ARID1B: variants seen among roughly 807,000 people sequenced by gnomAD.
ARID1B encodes the protein AT-rich interaction domain 1B.
A neutral mutation model predicts 212.3 loss-of-function variants in ARID1B; 30 were observed. That is an observed-to-expected ratio of 0.14 (90% CI 0.11 to 0.19). The LOEUF is 0.19. Ranked by LOEUF, ARID1B falls within the 10% of genes least tolerant of loss-of-function variation. The pLI, the probability that ARID1B is intolerant of heterozygous loss-of-function variation, is 1.00. For missense variants in ARID1B, 2,891 were observed against 3,204.0 expected, an observed-to-expected ratio of 0.90 and a Z score of 2.36; for synonymous variants, 1,402 against 1,301.7, an observed-to-expected ratio of 1.08 and a Z score of -1.66.
At chr6:156,936,158 C>T (rs1478359789) in intron 4 of ARID1B, 1 of 152,154 alleles carries the variant, frequency 6.6e-6, no homozygotes, top group South Asian at 2.1e-4. Flanking sequence ...GCCTGACCAA[C>T]ATGGAGAAAC....
intron 4 of ARID1B, among the ~76,000 whole-genome samples, chr6:157,059,853 A>C (rs749799716): frequency 1.2e-4 from 19 of 152,226 alleles, no homozygotes; most frequent in Non-Finnish European, 2.2e-4. Context: ...TTTAAATGAG[A>C]TAGAATGCAT....
chr6:157,038,472 G>C (rs963682922), intron 4 of ARID1B, among the ~76,000 whole-genome samples: 1 of 152,004 alleles, frequency 6.6e-6, no homozygotes, highest in South Asian at 2.1e-4. Flanking sequence ...AGTTTCTGAG[G>C]TTACAAATGT....
At chr6:157,156,277 A>G (rs539778269) in intron 8 of ARID1B, among the ~76,000 whole-genome samples, 1 of 152,378 alleles carries the variant, frequency 6.6e-6, no homozygotes, top group South Asian at 2.1e-4. Context: ...GACAAAGAGA[A>G]AAGATTTCAA....
intron 4 of ARID1B, chr6:156,938,663 T>A (rs1792444596): frequency 6.6e-6 from 1 of 152,198 alleles, no homozygotes; most frequent in African/African-American, 2.4e-5. Context: ...AGGTTTGTAA[T>A]GTTTCTGCAT....
intron 4 of ARID1B, among the ~76,000 whole-genome samples, chr6:157,016,634 G>A (rs779548890): frequency 6.6e-6 from 1 of 152,232 alleles, no homozygotes; most frequent in Admixed American, 6.5e-5. Context: ...AGTGATTGTG[G>A]GTGTGTGAGT....
Position 157,041,296 on chromosome 6 carries a change from A to G in ARID1B, c.2248-43366A>G, listed in dbSNP as rs111755534. Among the ~76,000 whole-genome samples, 841 of 152,350 alleles carry G rather than the reference A, an allele frequency of 5.5e-3. 14 individuals are homozygous for G. Among genetic ancestry groups the G allele is most frequent in the African/African-American group, 0.02 (812 of 41,570 alleles). On this transcript the variant is annotated intron_variant, in intron 4 of 19. Transcript: ENST00000636930. Reference sequence around the variant, plus strand: ...GATGATAAATCAGCTAAACATTTATATGTGTACATATGTGATTACATTACT... The same window carrying G: ...GATGATAAATCAGCTAAACATTTATGTGTGTACATATGTGATTACATTACT...
intron 4 of ARID1B, among the ~76,000 whole-genome samples, chr6:157,050,873 T>A (rs1782556750): frequency 6.6e-6 from 1 of 152,200 alleles, no homozygotes; most frequent in African/African-American, 2.4e-5. Flanking sequence ...ACATTAAATA[T>A]TTCCCATTCA....
At chr6:156,964,996 A>T (rs542709869) in intron 4 of ARID1B, among the ~76,000 whole-genome samples, 1 of 152,344 alleles carries the variant, frequency 6.6e-6, no homozygotes, top group African/African-American at 2.4e-5. Context: ...TAGCTTTTCA[A>T]TTGTAAGACT....
chr6:156,973,105 C>T (rs756658727), intron 4 of ARID1B, among the ~76,000 whole-genome samples: 4 of 152,108 alleles, frequency 2.6e-5, no homozygotes, highest in African/African-American at 7.2e-5. Flanking sequence ...GACTTTGTGC[C>T]GTGCAGTACA....
At chr6:156,969,371 G>T (rs1007028289) in intron 4 of ARID1B, among the ~76,000 whole-genome samples, 1 of 152,098 alleles carries the variant, frequency 6.6e-6, no homozygotes, top group Non-Finnish European at 1.5e-5. Context: ...GTGGTTCCCT[G>T]TTCAGCCGTG....
At chr6:156,936,755 GTTTGT>G (rs376570437) in intron 4 of ARID1B, 2 of 152,028 alleles carry the variant, frequency 1.3e-5, no homozygotes, top group African/African-American at 2.4e-5. Flanking sequence ...TATGGAGAAG[GTTTGT>G]TTTAAGATGG....
intron 2 of ARID1B, among the ~76,000 whole-genome samples, chr6:156,846,564 C>T (rs964710153): frequency 7.2e-5 from 11 of 151,992 alleles, no homozygotes; most frequent in East Asian, 5.8e-4. Context: ...GACGGGGCTG[C>T]GGTGGTGGGG....
At chr6:157,061,067 A>G (rs1783311901) in intron 4 of ARID1B, among the ~76,000 whole-genome samples, 1 of 151,942 alleles carries the variant, frequency 6.6e-6, no homozygotes. Context: ...CCTCCTGTGG[A>G]CTCGTGACTC....
chr6:157,146,689 G>T (rs915875294), intron 7 of ARID1B, among the ~76,000 whole-genome samples: 1 of 152,104 alleles, frequency 6.6e-6, no homozygotes, highest in Non-Finnish European at 1.5e-5. Context: ...TGAGCTTCTC[G>T]AGTGCAAGAA....
chr6:157,156,139 A>G (rs1183155782), intron 8 of ARID1B, among the ~76,000 whole-genome samples: 2 of 152,224 alleles, frequency 1.3e-5, no homozygotes, highest in East Asian at 3.8e-4. Flanking sequence ...GTCAAGCCCC[A>G]GTTGTAGTGG....
chr6:157,119,023 G>A (rs1421981681), intron 6 of ARID1B, among the ~76,000 whole-genome samples: 2 of 152,094 alleles, frequency 1.3e-5, no homozygotes, highest in Non-Finnish European at 2.9e-5. Context: ...ACTTTTTCCT[G>A]TTCCTTTTGT....
chr6:156,821,611 C>T (rs1002658727), intron 1 of ARID1B, among the ~76,000 whole-genome samples: 6 of 152,288 alleles, frequency 3.9e-5, no homozygotes, highest in African/African-American at 1.4e-4. Flanking sequence ...AGTTTCATTG[C>T]TGAATCTTTG....
chr6:157,066,986 G>C (rs1344493148), intron 4 of ARID1B, among the ~76,000 whole-genome samples: 4 of 151,908 alleles, frequency 2.6e-5, no homozygotes, highest in African/African-American at 9.7e-5. Context: ...TGAAATCATG[G>C]CCCAACCACC....
chr6:156,853,269 T>A (rs1478645799), intron 2 of ARID1B, among the ~76,000 whole-genome samples: 3 of 152,246 alleles, frequency 2.0e-5, no homozygotes, highest in African/African-American at 4.8e-5. Context: ...AAAATGAATT[T>A]GAAATATTTG....
Sources: allele counts gnomAD v4.1 joint callset (sites outside exome capture counted in the v4.1 genomes callset), GRCh38; gene constraint gnomAD v4.1.1; transcripts MANE v1.5; gene names NCBI Gene and HGNC (gene_info 2026-07-23, HGNC 2026-07-21).